Variants in ATP8A1 observed in about 807,000 individuals in gnomAD.
The protein encoded by ATP8A1 is ATPase phospholipid transporting 8A1, also known as phospholipid-transporting ATPase IA.
Under a neutral mutation model 177.7 loss-of-function variants are expected in ATP8A1, and 90 were observed. The ratio of observed to expected loss-of-function variants is 0.51; its 90% CI spans 0.43 to 0.60. The LOEUF (loss-of-function observed/expected upper bound fraction) is 0.60. ATP8A1 is among the 20% of genes least tolerant of loss of function. The probability of loss-of-function intolerance (pLI) is 0.00; values close to 1 mark genes in which losing one functional copy is unlikely to be tolerated. For missense variants in ATP8A1, 1,072 were observed against 1,392.8 expected (o/e 0.77, Z 3.67); for synonymous variants, 493 against 485.9 (o/e 1.01, Z -0.19).
chr4:42,509,895 T>C (rs1295857024), intron 22 of ATP8A1, among the ~76,000 whole-genome samples: 1 of 151,896 alleles, frequency 6.6e-6, no homozygotes, highest in African/African-American at 2.4e-5. Flanking sequence ...TTTTAAGCTT[T>C]CCTTTATTTC....
chr4:42,549,032 T>A lies in ATP8A1; in HGVS notation c.1633A>T (p.Asn545Tyr). Reference protein sequence around the residue: ...LGQEERYELLNVLEFTSARKR... With the variant: ...LGQEERYELLYVLEFTSARKR... ...TTTTACCTGGTAAACTCCAAGACATTGAGCAATTCATATCTTTCTTCCTGC... is the reference window on the plus strand; with the variant it reads ...TTTTACCTGGTAAACTCCAAGACATAGAGCAATTCATATCTTTCTTCCTGC... The change falls in exon 19 of 37, where the codon AAT becomes TAT. Residue 545 changes from asparagine (N) to tyrosine (Y), a missense_variant. Around this residue, in one of 5 missense-constraint regions of ATP8A1, gnomAD observed 388 missense variants for 471.7 expected, o/e 0.82. Coordinates refer to ENST00000381668, the MANE Select transcript of ATP8A1 (RefSeq NM_006095.2). The A allele has an allele frequency of 6.2e-7, 1 of 1,612,224 alleles. No homozygotes were observed. The highest frequency in any genetic ancestry group is 1.7e-5 in the Admixed American group (1 of 59,868).
At chr4:42,507,291 C>T (rs1051650444) in intron 22 of ATP8A1, 137 bp from the exon 23 acceptor site, 1 of 914,290 alleles carries the variant, frequency 1.1e-6, no homozygotes, top group Non-Finnish European at 1.6e-6. Context: ...CCAACTATCC[C>T]ATTGAGTTTT....
chr4:42,426,009 C>T (rs971203609), intron 33 of ATP8A1, among the ~76,000 whole-genome samples: 68 of 152,332 alleles, frequency 4.5e-4, no homozygotes, highest in African/African-American at 1.6e-3. Flanking sequence ...GGCTCAAAAT[C>T]GAACCACTGG....
At chr4:42,464,123 T>C (rs543004388) in intron 27 of ATP8A1, among the ~76,000 whole-genome samples, 1 of 152,354 alleles carries the variant, frequency 6.6e-6, no homozygotes, top group South Asian at 2.1e-4. Context: ...GTCAAGTTTA[T>C]AGACTTTTAT....
chr4:42,645,376 C>A (rs1740426575), intron 1 of ATP8A1, among the ~76,000 whole-genome samples: 1 of 152,206 alleles, frequency 6.6e-6, no homozygotes. Context: ...CTCTTGGTTT[C>A]TTGGCTCGCA....
intron 22 of ATP8A1, among the ~76,000 whole-genome samples, chr4:42,510,908 C>A (rs753873936): frequency 2.0e-5 from 3 of 152,136 alleles, no homozygotes; most frequent in African/African-American, 7.2e-5. Context: ...AGATGTAGGG[C>A]CAGCAAGGTA....
intron 24 of ATP8A1, among the ~76,000 whole-genome samples, chr4:42,495,896 T>C (rs2153191619): frequency 6.6e-6 from 1 of 152,262 alleles, no homozygotes; most frequent in East Asian, 1.9e-4. Context: ...AATTCCATGC[T>C]TTGCTAATAC....
At chr4:42,473,767 T>TC (rs1359959471) in intron 25 of ATP8A1, among the ~76,000 whole-genome samples, 1 of 151,776 alleles carries the variant, frequency 6.6e-6, no homozygotes, top group African/African-American at 2.4e-5. Context: ...TACCTCAGCC[T>TC]CCCGAGTAGC....
rs775319750 is a variant in ATP8A1 at position 42,627,095 on chromosome 4, C to T, written c.64G>A (p.Asp22Asn). ...RSRAEGYEKT[D>N]DVSEKTSLAD... ...AGTGAGGTCTTCTCTGAAACATCATCTGTCTTCTCATAACCTTAAAAAGAG... is the reference window on the plus strand; with the variant it reads ...AGTGAGGTCTTCTCTGAAACATCATTTGTCTTCTCATAACCTTAAAAAGAG... The change falls in exon 2 of 37, where the codon GAT (aspartate) becomes AAT (asparagine). Residue 22 changes from aspartate to asparagine, a missense_variant. Asp to Asn is a conservative substitution (Grantham distance 23). Coordinates refer to ENST00000381668, the MANE Select transcript of ATP8A1 (RefSeq NM_006095.2). 11 of 1,613,310 alleles carry T rather than the reference C, an allele frequency of 6.8e-6. No individual in the cohort carries two copies. The African/African-American group carries it at 1.5e-4, about 22-fold the overall frequency.
intron 35 of ATP8A1, among the ~76,000 whole-genome samples, chr4:42,418,364 C>CCTGT (rs60669175): frequency 0.32 from 48,724 of 151,760 alleles, 8,205 homozygotes; most frequent in Middle Eastern, 0.45. Context: ...ATTGTATTTG[C>CCTGT]CTATGAAATG....
rs750066124 is a variant in ATP8A1, at chr4:42,464,684, T to C, written c.2619+6A>G. On this transcript the variant is annotated splice_donor_region_variant and intron_variant, in intron 27 of 36. Transcript: ENST00000381668. ...GACAAGGATTTAAAATTTAACCTGC[T>C]ATTACCTCGATAATATAGAGCACTA... is the stretch of plus-strand genomic sequence containing the variant. 21 of 1,514,794 alleles carry C rather than the reference T, an allele frequency of 1.4e-5. No individual in the cohort carries two copies. The highest frequency in any genetic ancestry group is 1.7e-5 in the Non-Finnish European group (19 of 1,111,016). 93.8% of individuals were successfully genotyped at this position (1,514,794 alleles called of 1,614,324 possible). A position where few individuals can be genotyped will look rare whatever the true frequency, so the allele number is the denominator to read the frequency against.
At chr4:42,612,610 G>T (rs1452747508) in intron 5 of ATP8A1, among the ~76,000 whole-genome samples, 3 of 151,420 alleles carry the variant, frequency 2.0e-5, no homozygotes, top group African/African-American at 7.3e-5. Context: ...TATTCATCAG[G>T]TCACTGAATC....
At chr4:42,614,755 C>T (rs11947175) in intron 5 of ATP8A1, among the ~76,000 whole-genome samples, 34,380 of 152,076 alleles carry the variant, frequency 0.23, 4,345 homozygotes, top group Non-Finnish European at 0.29. Flanking sequence ...CCTTTCTGCG[C>T]CTGGCAGTCT....
Position 42,455,378 on chromosome 4 carries a change from C to T in ATP8A1, c.2736G>A (p.Glu912=), listed in dbSNP as rs1560342938. 6.2e-7 allele frequency: 1 copy of T among 1,613,942 alleles called. No homozygotes were observed. The highest frequency in any genetic ancestry group is 2.2e-5 in the East Asian group (1 of 44,882). The stretch of plus-strand genomic sequence containing the variant: ...ACATGTTCTCTTTTCTGCATGATCT[C>T]TCAAATATTCCAAGAGTTAAAGGAG... ...AMPPLTLGIF[E]RSCRKENMLK... The change falls in exon 29 of 37, where the codon GAG becomes GAA. Residue 912 remains glutamate, a synonymous_variant. Transcript: ENST00000381668.
At chr4:42,643,802 C>G (rs190716298) in intron 1 of ATP8A1, among the ~76,000 whole-genome samples, 23 of 152,306 alleles carry the variant, frequency 1.5e-4, no homozygotes, top group Admixed American at 1.3e-3. Context: ...ACAGGAGTCT[C>G]ACAGAGGTTA....
At chr4:42,509,295 G>A (rs6819929) in intron 22 of ATP8A1, among the ~76,000 whole-genome samples, 13,427 of 152,170 alleles carry the variant, frequency 0.088, 895 homozygotes, top group African/African-American at 0.18. Flanking sequence ...CCAAATACTC[G>A]GCCAGATAGT....
intron 15 of ATP8A1, among the ~76,000 whole-genome samples, chr4:42,567,762 C>T (rs972976737): frequency 6.6e-6 from 1 of 152,174 alleles, no homozygotes; most frequent in African/African-American, 2.4e-5. Flanking sequence ...ATAACATCCG[C>T]TCTTTCCAGC....
At chr4:42,621,314 G>A (rs1174414521) in intron 4 of ATP8A1, among the ~76,000 whole-genome samples, 1 of 152,186 alleles carries the variant, frequency 6.6e-6, no homozygotes, top group Non-Finnish European at 1.5e-5. Context: ...TCCTAACATG[G>A]CAAATGCCAT....
At chr4:42,629,586 C>T (rs1738513000) in intron 1 of ATP8A1, among the ~76,000 whole-genome samples, 1 of 152,136 alleles carries the variant, frequency 6.6e-6, no homozygotes, top group Non-Finnish European at 1.5e-5. Context: ...AAGCCCACTC[C>T]CAGAATGTTT....
Sources: gnomAD v4.1 joint callset for allele counts (sites outside exome capture counted in the v4.1 genomes callset) on GRCh38, gnomAD v4.1.1 for gene constraint, gnomAD v4.1.1 regional missense constraint, MANE v1.5 for transcripts, NCBI Gene and HGNC (gene_info 2026-07-23, HGNC 2026-07-21) for gene names.